PLA2G4F: variants seen among roughly 807,000 people sequenced by gnomAD.
PLA2G4F encodes cytosolic phospholipase A2 zeta.
PLA2G4F carries 105 observed loss-of-function variants against 103.1 expected under a neutral mutation model. That is an observed-to-expected ratio of 1.02 (90% CI 0.87 to 1.20). PLA2G4F has a LOEUF of 1.20. Among genes scored for constraint, PLA2G4F ranks in the 50% most tolerant of loss-of-function variants. The pLI, the probability that PLA2G4F is intolerant of heterozygous loss-of-function variation, is 0.00. For missense variants in PLA2G4F, 1,155 were observed against 1,075.9 expected (o/e 1.07, Z -1.03); for synonymous variants, 468 against 441.1 (o/e 1.06, Z -0.76).
At chr15:42,146,073 A>C in intron 14 of PLA2G4F, 54 bp downstream of exon 14, 1 of 1,597,782 alleles carries the variant, frequency 6.3e-7, no homozygotes, top group Non-Finnish European at 8.6e-7. Context: ...CTGGCCTCTC[A>C]CCTCCTCCTC....
rs991916110 is a variant in PLA2G4F at position 42,150,134 on chromosome 15, T to C, written c.893A>G (p.Glu298Gly). 1.2e-6 allele frequency: 2 copies of C among 1,614,124 alleles called. No homozygotes were observed. The highest frequency in any genetic ancestry group is 1.7e-6 in the Non-Finnish European group (2 of 1,180,016). Reference protein sequence around the residue: ...QCSVALGEGQEVALSMKVEMS... With the variant: ...QCSVALGEGQGVALSMKVEMS... ...TTCCACCTTCATGCTCAGAGCCACC[T>C]CCTGGCCCTGAAAGACACAGCAGCC... is the stretch of plus-strand genomic sequence containing the variant. Residue 298 changes from glutamate (E) to glycine (G), a missense_variant, in exon 10 of 20, where the codon GAG (glutamate) becomes GGG (glycine). By Grantham distance (98) the Glu-to-Gly change is moderately conservative (BLOSUM62 -2). Around this residue, in one of 3 missense-constraint regions of PLA2G4F, gnomAD observed 370 missense variants for 364.9 expected, o/e 1.01. Coordinates refer to ENST00000397272, the MANE Select transcript of PLA2G4F (RefSeq NM_213600.4).
rs918030428 is a variant in PLA2G4F at position 42,142,638 on chromosome 15, A to T, written c.2219T>A (p.Met740Lys). ...CAGATAGCACTCACGGGCCTCCTCC[A>T]TGTCCTCAGGGCCCACCTCGATGCT... ...FPSIEVGPED[M>K]EEARECYLFA... is the part of the protein sequence containing the mutation. The change falls in exon 19 of 20, where the codon ATG becomes AAG. Residue 740 changes from methionine to lysine, a missense_variant. Physicochemically the swap from Met to Lys is moderately conservative, Grantham distance 95. Around this residue, in one of 3 missense-constraint regions of PLA2G4F, gnomAD observed 782 missense variants for 692.9 expected, o/e 1.13. Transcript: ENST00000397272. 2.2e-5 allele frequency: 35 copies of T among 1,613,920 alleles called. No individual in the cohort carries two copies. The highest frequency in any genetic ancestry group is 2.9e-5 in the Non-Finnish European group (34 of 1,180,002).
intron 10 of PLA2G4F, 56 bp from the exon 11 acceptor site, chr15:42,149,904 G>A: frequency 6.3e-7 from 1 of 1,589,252 alleles, no homozygotes; most frequent in Non-Finnish European, 8.6e-7. Flanking sequence ...GTCCAGTGGA[G>A]GAGAGCCTTG....
chr15:42,144,581 T>C lies in PLA2G4F; in HGVS notation c.1844A>G (p.Gln615Arg). ...CAGCACAGCCTGGGAGAAGGGCCCC[T>C]GTGGGGTGAGGAGCCTCGTTCGCAG... Reference protein sequence around the residue: ...SRLRTRLLTPQGPFSQAVLDI... With the variant: ...SRLRTRLLTPRGPFSQAVLDI... The change falls in exon 17 of 20, where the codon CAG becomes CGG. Residue 615 changes from glutamine (Q) to arginine (R), a missense_variant. By Grantham distance (43) the Gln-to-Arg change is conservative. Transcript: ENST00000397272. 6.2e-7 allele frequency: 1 copy of C among 1,613,222 alleles called. No homozygotes were observed. The highest frequency in any genetic ancestry group is 8.5e-7 in the Non-Finnish European group (1 of 1,179,760).
chr15:42,147,796 A>G, intron 11 of PLA2G4F, 34 bp from the exon 12 acceptor site: 1 of 1,610,718 alleles, frequency 6.2e-7, no homozygotes, highest in Non-Finnish European at 8.5e-7. Flanking sequence ...AACGACTCCG[A>G]CTACCACCGT....
In PLA2G4F at chr15:42,141,533, C is replaced by T. The variant is rs551124835; in HGVS notation, c.*451G>A. Reference sequence around the variant, plus strand: ...CTCGAGGTGGGGTTGGGGCTTGGGCCGCTCTGCAGGAAGTGTGGATGGATG... The same window carrying T: ...CTCGAGGTGGGGTTGGGGCTTGGGCTGCTCTGCAGGAAGTGTGGATGGATG... On this transcript the variant is annotated 3_prime_UTR_variant, in exon 20 of 20. Coordinates refer to ENST00000397272, the MANE Select transcript of PLA2G4F (RefSeq NM_213600.4). 2.2e-5 allele frequency: 10 copies of T among 451,852 alleles called. No individual in the cohort carries two copies. Among genetic ancestry groups the T allele is most frequent in the East Asian group, 1.4e-4 (2 of 14,212 alleles). 28.0% of individuals were successfully genotyped at this position (451,852 alleles called of 1,614,324 possible). A position where few individuals can be genotyped will look rare whatever the true frequency, so the allele number is the denominator to read the frequency against.
At chr15:42,153,755 G>A in intron 4 of PLA2G4F, 95 bp from the exon 5 acceptor site, 2 of 1,377,456 alleles carry the variant, frequency 1.5e-6, no homozygotes, top group Non-Finnish European at 2.0e-6. Context: ...CCAGGGGCTA[G>A]AAGGGGAGAC....
Position 42,147,153 on chromosome 15 carries a change from G to C in PLA2G4F, c.1390C>G (p.Leu464Val). Residue 464 changes from leucine to valine, a missense_variant, in exon 13 of 20, where the codon CTC (leucine) becomes GTC (valine). Leu to Val is a conservative substitution (Grantham distance 32, BLOSUM62 1). This residue lies in a region of PLA2G4F where 782 missense variants were observed against 692.9 expected (regional missense o/e 1.13). Transcript: ENST00000397272. ...HSVSLIDLWG[L>V]LVEYLLYQEE... ...TGGTACAGGAGATACTCAACAAGGA[G>C]GCCCCAGAGGTCGATGAGGGACACG... 1 of 1,612,676 alleles carries C rather than the reference G, an allele frequency of 6.2e-7. No homozygotes were observed. The highest frequency in any genetic ancestry group is 8.5e-7 in the Non-Finnish European group (1 of 1,179,932).
intron 19 of PLA2G4F, 24 bp from the exon 20 acceptor site, chr15:42,142,228 G>A (rs1247717839): frequency 6.3e-7 from 1 of 1,592,202 alleles, no homozygotes; most frequent in Non-Finnish European, 8.6e-7. Flanking sequence ...AAGCAGAGGA[G>A]AGGCCAGGAT....
At chr15:42,145,542 G>T in intron 16 of PLA2G4F, 33 bp downstream of exon 16, 1 of 1,583,064 alleles carries the variant, frequency 6.3e-7, no homozygotes, top group Non-Finnish European at 8.7e-7. Flanking sequence ...GCTGGAATGT[G>T]GTGTGGGAGG....
At position 42,141,794 on chromosome 15, in the gene PLA2G4F, C is replaced by A. The variant is rs1042488207; in HGVS notation, c.*190G>T. 1.6e-6 allele frequency: 1 copy of A among 636,842 alleles called. No individual in the cohort carries two copies. Among genetic ancestry groups the A allele is most frequent in the Admixed American group, 2.6e-5 (1 of 38,332 alleles). The allele number at this position is 636,842 out of a possible 1,614,324, so 39.4% of individuals were successfully genotyped here. ...ACTGCCCATCTTCTCCAAAAACACACAAGGAGAGCCCTGCCCCAGTCCAAG... is the reference window on the plus strand; with the variant it reads ...ACTGCCCATCTTCTCCAAAAACACAAAAGGAGAGCCCTGCCCCAGTCCAAG... On this transcript the variant is annotated 3_prime_UTR_variant, in exon 20 of 20. Coordinates refer to ENST00000397272, the MANE Select transcript of PLA2G4F (RefSeq NM_213600.4).
Position 42,152,682 on chromosome 15 carries a change from A to G in PLA2G4F, c.601+6T>C. On this transcript the variant is annotated splice_donor_region_variant and intron_variant, in intron 7 of 19. Coordinates refer to ENST00000397272, the MANE Select transcript of PLA2G4F (RefSeq NM_213600.4). Reference sequence around the variant, plus strand: ...CAAAAGACCCAAGGCCGCTGAGCAGACTCACCGTACTCTTCCCGTGGGGCT... The same window carrying G: ...CAAAAGACCCAAGGCCGCTGAGCAGGCTCACCGTACTCTTCCCGTGGGGCT... The G allele has an allele frequency of 6.4e-7, 1 of 1,554,586 alleles. No homozygotes were observed. The highest frequency in any genetic ancestry group is 8.7e-7 in the Non-Finnish European group (1 of 1,148,410).
rs913546899 is a variant in PLA2G4F, at chr15:42,154,110, G to A, written c.432C>T (p.Thr144=). ...SLKCGQPHKH[T]FPLNHQDSQE... ...GGCTCACCTGGTGGTTGAGTGGGAA[G>A]GTGTGTTTGTGAGGTTGGCCACACT... is the stretch of plus-strand genomic sequence containing the variant. Residue 144 remains threonine, a synonymous_variant, in exon 4 of 20, where the codon ACC becomes ACT. Transcript: ENST00000397272. 13 of 1,614,086 alleles carry A rather than the reference G, an allele frequency of 8.1e-6. No homozygotes were observed. Among genetic ancestry groups the A allele is most frequent in the African/African-American group, 1.3e-5 (1 of 74,924 alleles).
rs140734223 is a variant in PLA2G4F, at chr15:42,153,629, A to G, written c.482T>C (p.Leu161Pro). ...DSQELQVEFV[L>P]EKSQVPASEV... ...CTCTACCAGAACTCACCTCTTCTCCAGAACAAATTCCACCTGCAGCTCTTG... is the reference window on the plus strand; with the variant it reads ...CTCTACCAGAACTCACCTCTTCTCCGGAACAAATTCCACCTGCAGCTCTTG... Residue 161 changes from leucine (L) to proline (P), a missense_variant, in exon 5 of 20, where the codon CTG (leucine) becomes CCG (proline). Coordinates refer to ENST00000397272, the MANE Select transcript of PLA2G4F (RefSeq NM_213600.4). 5 of 1,614,100 alleles carry G rather than the reference A, an allele frequency of 3.1e-6. No homozygotes were observed. The African/African-American group carries it at 5.3e-5, about 17-fold the overall frequency.
rs538061235 is a variant in PLA2G4F at position 42,147,435 on chromosome 15, C to G, written c.1197-89G>C. 111 of 1,418,800 alleles carry G rather than the reference C, an allele frequency of 7.8e-5. No individual in the cohort carries two copies. The East Asian group carries it at 2.3e-3, about 30-fold the overall frequency. 87.9% of individuals were successfully genotyped at this position (1,418,800 alleles called of 1,614,324 possible). On this transcript the variant is annotated intron_variant, in intron 12 of 19. Coordinates refer to ENST00000397272, the MANE Select transcript of PLA2G4F (RefSeq NM_213600.4). ...AGAGTCTGTGAGTGGCCCTCCACCC[C>G]CACCACTTGCACTGCTGCCCTGCAA...
chr15:42,151,045 G>A, intron 7 of PLA2G4F: 1 of 985,430 alleles, frequency 1.0e-6, no homozygotes, highest in Non-Finnish European at 1.2e-6. Flanking sequence ...GAGCGGGGAG[G>A]GAGAGGGGCC....
intron 18 of PLA2G4F, 68 bp from the exon 19 acceptor site, chr15:42,142,782 C>T: frequency 6.6e-7 from 1 of 1,520,168 alleles, no homozygotes; most frequent in Non-Finnish European, 9.1e-7. Context: ...CCTGGACTCA[C>T]ACACGCCCAG....
At chr15:42,149,436 G>T (rs1213401224) in intron 11 of PLA2G4F, 2 of 942,360 alleles carry the variant, frequency 2.1e-6, no homozygotes, top group African/African-American at 3.6e-5. Context: ...CTTCATCTCG[G>T]ACTTCCAGCC....
chr15:42,148,362 C>G (rs750634067), intron 11 of PLA2G4F, among the ~76,000 whole-genome samples: 5 of 152,164 alleles, frequency 3.3e-5, no homozygotes, highest in Admixed American at 6.5e-5. Context: ...GAAGGTATAT[C>G]TGATTCCCCA....
Sources: gnomAD v4.1 joint callset for allele counts (sites outside exome capture counted in the v4.1 genomes callset) on GRCh38, gnomAD v4.1.1 for gene constraint, gnomAD v4.1.1 regional missense constraint, MANE v1.5 for transcripts, NCBI Gene and HGNC (gene_info 2026-07-23, HGNC 2026-07-21) for gene names.